The following FSTL4 variants were observed in gnomAD, a reference collection of about 807,000 sequenced individuals.
FSTL4 encodes the protein follistatin like 4.
Under a neutral mutation model 78.2 loss-of-function variants are expected in FSTL4, and 28 were observed. That is an observed-to-expected ratio of 0.36 (90% CI 0.27 to 0.49). The LOEUF (loss-of-function observed/expected upper bound fraction) is 0.49. Ranked by LOEUF, FSTL4 falls within the 20% of genes least tolerant of loss-of-function variation. The pLI is 0.98. For synonymous variants in FSTL4, 422 were observed against 440.5 expected (o/e 0.96, Z 0.53); for missense variants, 922 against 1,084.9 (o/e 0.85, Z 2.11).
rs1273122030 is a variant in FSTL4 at position 133,233,482 on chromosome 5, C to G, written c.950G>C (p.Gly317Ala). The G allele has an allele frequency of 6.2e-7, 1 of 1,614,136 alleles. No individual in the cohort carries two copies. Among genetic ancestry groups the G allele is most frequent in the Admixed American group, 1.7e-5 (1 of 60,024 alleles). ...GCCGGAAGCATGGCAGGTGTAATTG[C>G]CCATGTGGATGGTGGTCACCTTGGT... ...YITKVTTIHM[G>A]NYTCHASGHE... Residue 317 changes from glycine (G) to alanine (A), a missense_variant, in exon 8 of 16, where the codon GGC (glycine) becomes GCC (alanine). Gly to Ala is a moderately conservative substitution (Grantham distance 60). Coordinates refer to ENST00000265342, the MANE Select transcript of FSTL4 (RefSeq NM_015082.2).
chr5:133,711,610 C>A, the FSTL4 span, among the ~76,000 whole-genome samples: 1 of 152,344 alleles, frequency 6.6e-6, no homozygotes, highest in East Asian at 1.9e-4. Flanking sequence ...TGCCAACCTA[C>A]TGGTGACAGA....
At chr5:133,561,764 A>G (rs1351338652) in intron 3 of FSTL4, among the ~76,000 whole-genome samples, 1 of 152,148 alleles carries the variant, frequency 6.6e-6, no homozygotes, top group Non-Finnish European at 1.5e-5. Flanking sequence ...TTTTCAGGTA[A>G]GGTTGAGTAA....
At chr5:133,262,212 A>C (rs528081232) in intron 6 of FSTL4, among the ~76,000 whole-genome samples, 1 of 152,146 alleles carries the variant, frequency 6.6e-6, no homozygotes, top group Non-Finnish European at 1.5e-5. Flanking sequence ...GCTCCCCTGG[A>C]GGCCGACTCA....
the FSTL4 span, among the ~76,000 whole-genome samples, chr5:133,794,953 C>T: frequency 1.3e-5 from 2 of 152,216 alleles, no homozygotes; most frequent in African/African-American, 4.8e-5. Context: ...TCCCTCTAAG[C>T]CTGGGGGGTT....
At chr5:133,285,404 G>A (rs756425687) in intron 6 of FSTL4, among the ~76,000 whole-genome samples, 1 of 152,152 alleles carries the variant, frequency 6.6e-6, no homozygotes, top group Non-Finnish European at 1.5e-5. Flanking sequence ...CCAGCTGGCT[G>A]GGACCCTAGC....
At chr5:133,319,002 T>A (rs1405058498) in intron 4 of FSTL4, among the ~76,000 whole-genome samples, 1 of 152,100 alleles carries the variant, frequency 6.6e-6, no homozygotes, top group African/African-American at 2.4e-5. Flanking sequence ...CGGACTGGCG[T>A]CCCCCTGTGA....
intron 3 of FSTL4, among the ~76,000 whole-genome samples, chr5:133,483,741 A>C (rs1294908602): frequency 1.3e-5 from 2 of 152,118 alleles, no homozygotes; most frequent in Non-Finnish European, 2.9e-5. Context: ...CAGGGCAGGT[A>C]GGGGCCTCTG....
intron 3 of FSTL4, among the ~76,000 whole-genome samples, chr5:133,510,342 G>C (rs1758702249): frequency 6.6e-6 from 1 of 152,148 alleles, no homozygotes; most frequent in South Asian, 2.1e-4. Flanking sequence ...ACCCCCAAAA[G>C]ACCATGTGGT....
At chr5:133,530,293 C>T (rs745921729) in intron 3 of FSTL4, among the ~76,000 whole-genome samples, 1 of 152,152 alleles carries the variant, frequency 6.6e-6, no homozygotes, top group Non-Finnish European at 1.5e-5. Flanking sequence ...TGGATAGCAC[C>T]GTTAGGAGCC....
At chr5:133,826,349 C>A in the FSTL4 span, among the ~76,000 whole-genome samples, 1 of 152,188 alleles carries the variant, frequency 6.6e-6, no homozygotes, top group African/African-American at 2.4e-5. Flanking sequence ...CCTGTGGCTG[C>A]CATAACAAAG....
At chr5:133,618,441 A>G in the FSTL4 span, among the ~76,000 whole-genome samples, 23 of 152,334 alleles carry the variant, frequency 1.5e-4, no homozygotes, top group Non-Finnish European at 2.6e-4. Context: ...TGGCTGCTGT[A>G]TGAAGAACAA....
At chr5:133,460,545 T>C (rs1035105142) in intron 3 of FSTL4, among the ~76,000 whole-genome samples, 3 of 152,248 alleles carry the variant, frequency 2.0e-5, no homozygotes, top group Non-Finnish European at 2.9e-5. Flanking sequence ...AGAAGCCTAA[T>C]AGTCGCAAGC....
At chr5:133,221,927 T>TTTTTTTTTTTG (rs1581540371) in intron 11 of FSTL4, among the ~76,000 whole-genome samples, 1 of 142,848 alleles carries the variant, frequency 7.0e-6, no homozygotes, top group Admixed American at 6.9e-5. Flanking sequence ...TTTTTTTTTT[T>TTTTTTTTTTTG]AGCATGCTGA....
At chr5:133,385,155 C>T (rs763177010) in intron 4 of FSTL4, among the ~76,000 whole-genome samples, 1 of 152,260 alleles carries the variant, frequency 6.6e-6, no homozygotes, top group Non-Finnish European at 1.5e-5. Context: ...CCCCCGCCAC[C>T]GGGCCCTCGA....
intron 6 of FSTL4, among the ~76,000 whole-genome samples, chr5:133,260,976 G>A (rs1285746640): frequency 6.6e-6 from 1 of 152,196 alleles, no homozygotes; most frequent in Non-Finnish European, 1.5e-5. Flanking sequence ...GAGGGCTGGC[G>A]GGGCCTGTGG....
In FSTL4 at chr5:133,225,815, C is replaced by T. The variant is rs755682838; in HGVS notation, c.1020G>A (p.Pro340=). Residue 340 remains proline (P), a synonymous_variant, in exon 9 of 16, where the codon CCG becomes CCA. Transcript: ENST00000265342. This position sits in a 1 kb window ranked among gnomAD's most constrained non-coding sequence, Gnocchi z 4.6. Reference sequence around the variant, plus strand: ...TCTCTGGATAGACACGGATGACTGGCGGCACTGTGGGTGAGAGTCAGTGCT... The same window carrying T: ...TCTCTGGATAGACACGGATGACTGGTGGCACTGTGGGTGAGAGTCAGTGCT... ...FQTHVLQVNV[P]PVIRVYPESQ... is the part of the protein sequence containing the mutation. 5.7e-5 allele frequency: 89 copies of T among 1,573,874 alleles called. No homozygotes were observed. Among genetic ancestry groups the T allele is most frequent in the Non-Finnish European group, 6.3e-5 (73 of 1,161,184 alleles).
the FSTL4 span, among the ~76,000 whole-genome samples, chr5:133,678,341 A>G: frequency 0.26 from 39,449 of 152,096 alleles, 5,248 homozygotes; most frequent in Admixed American, 0.33. Flanking sequence ...ATGACAGCTC[A>G]GACTTGGGGA....
chr5:133,206,108 AAAAC>A (rs1177154357), intron 14 of FSTL4, among the ~76,000 whole-genome samples: 2 of 152,222 alleles, frequency 1.3e-5, no homozygotes, highest in Admixed American at 1.3e-4. Flanking sequence ...CTGGCTATTT[AAAAC>A]AAACTGTGCA....
chr5:133,403,919 C>A (rs1418871769), intron 3 of FSTL4, among the ~76,000 whole-genome samples: 1 of 152,168 alleles, frequency 6.6e-6, no homozygotes, highest in Non-Finnish European at 1.5e-5. Context: ...TCACACAGGG[C>A]AGCAGGCACC....
Sources: allele counts gnomAD v4.1 joint callset (sites outside exome capture counted in the v4.1 genomes callset), GRCh38; gene constraint gnomAD v4.1.1; non-coding constraint Gnocchi (gnomAD v3.1); transcripts MANE v1.5; gene names NCBI Gene and HGNC (gene_info 2026-07-23, HGNC 2026-07-21).